The following FGF14 variants were observed in gnomAD, a reference collection of about 807,000 sequenced individuals.
The protein encoded by FGF14 is fibroblast growth factor 14, also known as fibroblast growth factor homologous factor 4.
FGF14 carries 5 observed loss-of-function variants against 25.5 expected under a neutral mutation model. That is an observed-to-expected ratio of 0.20 (90% CI 0.10 to 0.41). FGF14 has a LOEUF of 0.41. Ranked by LOEUF, FGF14 falls within the 10% of genes least tolerant of loss-of-function variation. The probability of loss-of-function intolerance (pLI) is 1.00; values close to 1 mark genes in which losing one functional copy is unlikely to be tolerated. For missense variants in FGF14, 222 were observed against 320.1 expected, an observed-to-expected ratio of 0.69 and a Z score of 2.34; for synonymous variants, 138 against 118.3, an observed-to-expected ratio of 1.17 and a Z score of -1.08.
intron 3 of FGF14, among the ~76,000 whole-genome samples, chr13:101,748,679 A>G (rs2139825126): frequency 7.1e-6 from 1 of 139,938 alleles, no homozygotes; most frequent in East Asian, 2.4e-4. Flanking sequence ...GAGAAATTGG[A>G]GTCTGTGTGC....
At chr13:101,729,631 G>T (rs2035675876) in intron 3 of FGF14, among the ~76,000 whole-genome samples, 1 of 152,014 alleles carries the variant, frequency 6.6e-6, no homozygotes, top group Non-Finnish European at 1.5e-5. Context: ...GAATAAATAC[G>T]TATTACACAT....
chr13:102,290,716 A>G (rs2054343962), intron 1 of FGF14, among the ~76,000 whole-genome samples: 1 of 152,132 alleles, frequency 6.6e-6, no homozygotes, highest in Non-Finnish European at 1.5e-5. Flanking sequence ...TTCTGGAGTA[A>G]GTGATAGGGT....
At chr13:102,336,859 C>G (rs2056803063) in intron 1 of FGF14, among the ~76,000 whole-genome samples, 1 of 152,184 alleles carries the variant, frequency 6.6e-6, no homozygotes, top group Non-Finnish European at 1.5e-5. Flanking sequence ...GCCTGAATGA[C>G]AGCAAAACTG....
intron 1 of FGF14, among the ~76,000 whole-genome samples, chr13:101,897,044 T>C (rs141592741): frequency 5.8e-4 from 89 of 152,270 alleles, no homozygotes; most frequent in Non-Finnish European, 1.1e-3. Context: ...ATTTCCAAAC[T>C]GATTTATATC....
chr13:101,856,295 A>G (rs1477326289), intron 3 of FGF14, among the ~76,000 whole-genome samples: 1 of 151,882 alleles, frequency 6.6e-6, no homozygotes, highest in African/African-American at 2.4e-5. Flanking sequence ...AGAAATATAG[A>G]TTTCTAATTG....
chr13:102,272,129 AT>A (rs1284697488), intron 1 of FGF14, among the ~76,000 whole-genome samples: 2 of 151,872 alleles, frequency 1.3e-5, no homozygotes, highest in Non-Finnish European at 2.9e-5. Flanking sequence ...CCACTCTGAC[AT>A]TTTTTCTTTT....
chr13:101,979,085 G>A (rs1166167833), intron 1 of FGF14, among the ~76,000 whole-genome samples: 1 of 152,208 alleles, frequency 6.6e-6, no homozygotes, highest in Non-Finnish European at 1.5e-5. Context: ...AGGGGTTGTG[G>A]TATGGTTGGA....
chr13:102,049,195 C>T (rs539065956), intron 1 of FGF14, among the ~76,000 whole-genome samples: 1 of 152,022 alleles, frequency 6.6e-6, no homozygotes, highest in Admixed American at 6.6e-5. Context: ...TCCTTATAGG[C>T]TATATATAAT....
At chr13:102,212,163 T>C (rs1271979240) in intron 1 of FGF14, among the ~76,000 whole-genome samples, 1 of 152,230 alleles carries the variant, frequency 6.6e-6, no homozygotes, top group African/African-American at 2.4e-5. Flanking sequence ...TCTTATTCCA[T>C]ACTAGTTCCC....
intron 1 of FGF14, among the ~76,000 whole-genome samples, chr13:102,077,473 A>G (rs1029429512): frequency 1.3e-5 from 2 of 152,170 alleles, no homozygotes; most frequent in Non-Finnish European, 2.9e-5. Flanking sequence ...TCTTAAAAAC[A>G]GGTAAAGGAT....
chr13:102,211,208 G>T (rs1428136192), intron 1 of FGF14, among the ~76,000 whole-genome samples: 2 of 152,010 alleles, frequency 1.3e-5, no homozygotes, highest in African/African-American at 4.8e-5. Flanking sequence ...AACTTTACAG[G>T]AAGGAAGAGT....
At chr13:101,997,638 T>C (rs776501682) in intron 1 of FGF14, among the ~76,000 whole-genome samples, 2 of 152,148 alleles carry the variant, frequency 1.3e-5, no homozygotes, top group Non-Finnish European at 2.9e-5. Context: ...TTCCAGGTGA[T>C]AGAGATGTTG....
chr13:102,163,050 G>A (rs1449723161), intron 1 of FGF14, among the ~76,000 whole-genome samples: 1 of 152,090 alleles, frequency 6.6e-6, no homozygotes, highest in Non-Finnish European at 1.5e-5. Flanking sequence ...TTCATATAGA[G>A]GGATTCATAC....
At chr13:102,088,480 C>A (rs982094633) in intron 1 of FGF14, among the ~76,000 whole-genome samples, 1 of 151,976 alleles carries the variant, frequency 6.6e-6, no homozygotes, top group African/African-American at 2.4e-5. Context: ...TAATTAAGTA[C>A]ACCAAATGCA....
intron 3 of FGF14, among the ~76,000 whole-genome samples, chr13:101,830,463 A>T (rs1397493664): frequency 1.3e-5 from 2 of 152,072 alleles, no homozygotes; most frequent in Non-Finnish European, 2.9e-5. Flanking sequence ...AGAAGGACTA[A>T]ATTCAGGAAA....
At chr13:102,246,058 T>C (rs2051851236) in intron 1 of FGF14, among the ~76,000 whole-genome samples, 1 of 152,048 alleles carries the variant, frequency 6.6e-6, no homozygotes, top group East Asian at 1.9e-4. Flanking sequence ...TAGGTGGACA[T>C]TTTCATTTTC....
chr13:102,379,237 A>G (rs2058119446), intron 1 of FGF14, among the ~76,000 whole-genome samples: 1 of 152,112 alleles, frequency 6.6e-6, no homozygotes, highest in South Asian at 2.1e-4. Context: ...GGCATTAGAA[A>G]CATACCACTA....
chr13:102,140,262 AC>A (rs1451141244), intron 1 of FGF14, among the ~76,000 whole-genome samples: 2 of 152,270 alleles, frequency 1.3e-5, no homozygotes, highest in East Asian at 3.9e-4. Flanking sequence ...TAAAATGACT[AC>A]CCAATACAGT....
At chr13:102,189,017 TGAAAGAAGAAAAGAAAGAAAGAAAGA>T (rs1394460367) in intron 1 of FGF14, among the ~76,000 whole-genome samples, 22 of 67,746 alleles carry the variant, frequency 3.2e-4, no homozygotes, top group Admixed American at 4.7e-4. Flanking sequence ...AGAGAAAGAA[TGAAAGAAGAAAAGAAAGAAAGAAAGA>T]GAAAGAATGA....
Sources: allele counts gnomAD v4.1 joint callset (sites outside exome capture counted in the v4.1 genomes callset), GRCh38; gene constraint gnomAD v4.1.1; transcripts MANE v1.5; gene names NCBI Gene and HGNC (gene_info 2026-07-23, HGNC 2026-07-21).